Variants in FAH observed in about 807,000 individuals in gnomAD.
The protein encoded by FAH is fumarylacetoacetate hydrolase, also known as fumarylacetoacetase.
FAH carries 47 observed loss-of-function variants against 55.8 expected under a neutral mutation model. That is an observed-to-expected ratio of 0.84 (90% confidence interval 0.67 to 1.07). The LOEUF (loss-of-function observed/expected upper bound fraction) is 1.07, where lower values mean the gene tolerates loss of function less well. Among genes scored for constraint, FAH ranks in the 50% least tolerant of loss-of-function variants. The probability of loss-of-function intolerance (pLI) is 0.00; values close to 1 mark genes in which losing one functional copy is unlikely to be tolerated. For missense variants in FAH, 495 were observed against 545.9 expected (o/e 0.91, Z 0.93); for synonymous variants, 199 against 207.7 (o/e 0.96, Z 0.36).
chr15:80,167,820 C>A (rs928107263), intron 5 of FAH, among the ~76,000 whole-genome samples: 2 of 152,200 alleles, frequency 1.3e-5, no homozygotes, highest in Admixed American at 6.5e-5. Flanking sequence ...GCGCGAGCCA[C>A]TGCACCCAGC....
intron 2 of FAH, 44 bp downstream of exon 2, chr15:80,158,214 T>TA (rs1396721718): frequency 7.7e-7 from 1 of 1,297,154 alleles, no homozygotes; most frequent in Non-Finnish European, 1.1e-6. Flanking sequence ...CAGTGGCACT[T>TA]ACTGTGGATG....
At chr15:80,172,909 A>T (rs547506418) in intron 8 of FAH, 105 bp from the exon 9 acceptor site, 724 of 1,459,040 alleles carry the variant, frequency 5.0e-4, no homozygotes, top group Non-Finnish European at 6.1e-4. Flanking sequence ...CTTTGTGGAG[A>T]TGGCAGTGCT....
At chr15:80,170,168 TG>T (rs2041228070) in intron 7 of FAH, among the ~76,000 whole-genome samples, 1 of 152,234 alleles carries the variant, frequency 6.6e-6, no homozygotes, top group South Asian at 2.1e-4. Context: ...CAGCATCTGC[TG>T]GGTTGTCTGA....
At chr15:80,170,430 G>T (rs983257376) in intron 7 of FAH, among the ~76,000 whole-genome samples, 1 of 152,222 alleles carries the variant, frequency 6.6e-6, no homozygotes, top group Non-Finnish European at 1.5e-5. Context: ...GGGCTTCCCT[G>T]TGATTTCTCT....
At chr15:80,179,991 T>C (rs1595897227) in intron 11 of FAH, 133 bp from the exon 12 acceptor site, 12 of 714,980 alleles carry the variant, frequency 1.7e-5, no homozygotes, top group Non-Finnish European at 3.0e-5. Context: ...TGGAGAGAGC[T>C]GGCTGGGGGA....
chr15:80,178,044 A>T (rs1259563857), intron 11 of FAH, among the ~76,000 whole-genome samples: 1 of 152,046 alleles, frequency 6.6e-6, no homozygotes, highest in Non-Finnish European at 1.5e-5. Flanking sequence ...TGCAAAAAGT[A>T]AAAAAATTAG....
intron 13 of FAH, among the ~76,000 whole-genome samples, chr15:80,185,342 A>C (rs550359260): frequency 2.0e-5 from 3 of 152,308 alleles, no homozygotes; most frequent in Admixed American, 2.0e-4. Context: ...GGGCACTATC[A>C]TAAGATCCAT....
chr15:80,157,852 C>G (rs2041112004), intron 1 of FAH: 2 of 607,750 alleles, frequency 3.3e-6, no homozygotes, highest in Non-Finnish European at 2.9e-6. Flanking sequence ...TCAGGGAACA[C>G]AGATTATTTT....
intron 13 of FAH, among the ~76,000 whole-genome samples, chr15:80,183,694 G>T (rs767408823): frequency 2.0e-5 from 3 of 152,222 alleles, no homozygotes; most frequent in Non-Finnish European, 2.9e-5. Context: ...AGAACATTCA[G>T]AAGTGCTGGC....
At chr15:80,161,675 G>T (rs920699909) in intron 4 of FAH, among the ~76,000 whole-genome samples, 9 of 152,204 alleles carry the variant, frequency 5.9e-5, no homozygotes, top group Non-Finnish European at 1.2e-4. Context: ...TGAGGACTGG[G>T]CTGGGGCTGT....
At chr15:80,155,991 G>A (rs2041095673) in intron 1 of FAH, 2 of 467,286 alleles carry the variant, frequency 4.3e-6, no homozygotes. Context: ...TTGAAGCACA[G>A]CACCACAGGG....
At chr15:80,157,971 G>A (rs1363061684) in intron 1 of FAH, 89 bp from the exon 2 acceptor site, 1 of 929,866 alleles carries the variant, frequency 1.1e-6, no homozygotes, top group East Asian at 2.4e-5. Flanking sequence ...GGGGACCTGT[G>A]GACTCTTCAA....
Position 80,172,109 on chromosome 15 carries a change from A to G in FAH, c.607-40A>G, listed in dbSNP as rs1300675476. The G allele has an allele frequency of 4.1e-6, 6 of 1,461,716 alleles. No homozygotes were observed. In the South Asian group the frequency reaches 6.8e-5, roughly 17 times the overall value. 90.5% of individuals were successfully genotyped at this position (1,461,716 alleles called of 1,614,324 possible). A position where few individuals can be genotyped will look rare whatever the true frequency, so the allele number is the denominator to read the frequency against. On this transcript the variant is annotated intron_variant, in intron 7 of 13. Transcript: ENST00000561421. The stretch of plus-strand genomic sequence containing the variant: ...CTAGGTGACAAGTGACCTGGGCGGC[A>G]GATCAGCTCCAGATTCTAATGAACT...
At chr15:80,155,893 G>A (rs1157472710) in intron 1 of FAH, 7 of 477,086 alleles carry the variant, frequency 1.5e-5, no homozygotes, top group African/African-American at 3.9e-5. Flanking sequence ...TAAGACTTTC[G>A]CTATTTCTTC....
At position 80,172,187 on chromosome 15, in the gene FAH, G is replaced by C. The variant is rs151221329; in HGVS notation, c.645G>C (p.Pro215=). The C allele has an allele frequency of 3.1e-6, 5 of 1,614,070 alleles. No homozygotes were observed. The highest frequency in any genetic ancestry group is 4.2e-6 in the Non-Finnish European group (5 of 1,179,958). The change falls in exon 8 of 14, where the codon CCG becomes CCC. Residue 215 remains proline (P), a synonymous_variant. Transcript: ENST00000561421. ...FVGPGNRLGE[P]IPISKAHEHI... ...GCCCTGGAAACAGATTGGGAGAGCCGATCCCCATTTCCAAGGCCCATGAGC... is the reference window on the plus strand; with the variant it reads ...GCCCTGGAAACAGATTGGGAGAGCCCATCCCCATTTCCAAGGCCCATGAGC...
At chr15:80,185,126 C>T (rs2041359786) in intron 13 of FAH, among the ~76,000 whole-genome samples, 1 of 152,152 alleles carries the variant, frequency 6.6e-6, no homozygotes, top group African/African-American at 2.4e-5. Flanking sequence ...TAGTCTAATC[C>T]TTACAACCTT....
At position 80,162,345 on chromosome 15, in the gene FAH, T is replaced by C. The variant is rs531129429; in HGVS notation, c.455+9T>C. On this transcript the variant is annotated intron_variant, in intron 5 of 13. Transcript: ENST00000561421. ...GCGTTGATGCCAAATTGGTATGAAC[T>C]GGGCCAAATGTCTGCATAAGTTCAA... 133 of 1,605,166 alleles carry C rather than the reference T, an allele frequency of 8.3e-5. 1 individual carries two copies. In the South Asian group the frequency reaches 1.2e-3, roughly 14 times the overall value.
chr15:80,164,974 A>G (rs2041179222), intron 5 of FAH, among the ~76,000 whole-genome samples: 1 of 152,236 alleles, frequency 6.6e-6, no homozygotes, highest in Non-Finnish European at 1.5e-5. Context: ...TTACTTCATC[A>G]TTGACATATC....
At chr15:80,161,646 C>T (rs1210245985) in intron 4 of FAH, among the ~76,000 whole-genome samples, 5 of 152,154 alleles carry the variant, frequency 3.3e-5, no homozygotes, top group East Asian at 1.9e-4. Flanking sequence ...CCTTGGCACT[C>T]GGGCAGAGTC....
Sources: allele counts gnomAD v4.1 joint callset (sites outside exome capture counted in the v4.1 genomes callset), GRCh38; gene constraint gnomAD v4.1.1; transcripts MANE v1.5; gene names NCBI Gene and HGNC (gene_info 2026-07-23, HGNC 2026-07-21).